Variants in BTBD16 observed in about 807,000 individuals in gnomAD.
BTBD16 encodes the protein BTB domain containing 16.
Under a neutral mutation model 67.4 loss-of-function variants are expected in BTBD16, and 66 were observed. The ratio of observed to expected loss-of-function variants is 0.98; its 90% confidence interval spans 0.80 to 1.20. BTBD16 has a LOEUF of 1.20. Among genes scored for constraint, BTBD16 ranks in the 50% most tolerant of loss-of-function variants. The probability of loss-of-function intolerance (pLI) is 0.00; values close to 1 mark genes in which losing one functional copy is unlikely to be tolerated. For missense variants in BTBD16, 634 were observed against 616.0 expected, an observed-to-expected ratio of 1.03 and a Z score of -0.31; for synonymous variants, 242 against 236.4, an observed-to-expected ratio of 1.02 and a Z score of -0.22.
chr10:122,283,788 G>A (rs1173934628), intron 3 of BTBD16, 63 bp from the exon 4 acceptor site: 2 of 1,240,046 alleles, frequency 1.6e-6, no homozygotes, highest in East Asian at 4.7e-5. Flanking sequence ...AATAATGCAT[G>A]TTGTAGTTGG....
chr10:122,283,777 G>C (rs907055056), intron 3 of BTBD16, 74 bp from the exon 4 acceptor site: 7 of 1,149,558 alleles, frequency 6.1e-6, no homozygotes, highest in Non-Finnish European at 9.1e-6. Flanking sequence ...ATTTATGCTA[G>C]AATAATGCAT....
chr10:122,295,266 T>C (rs1269000744), intron 7 of BTBD16: 6 of 977,590 alleles, frequency 6.1e-6, no homozygotes, highest in Non-Finnish European at 7.3e-6. Flanking sequence ...CAAGAGGAGG[T>C]GGTGCTGGAC....
intron 10 of BTBD16, among the ~76,000 whole-genome samples, chr10:122,310,781 A>G (rs913992448): frequency 2.6e-5 from 4 of 152,212 alleles, no homozygotes; most frequent in African/African-American, 4.8e-5. Context: ...CCGTCACATT[A>G]TGGGAACTGA....
intron 10 of BTBD16, among the ~76,000 whole-genome samples, chr10:122,318,966 T>C (rs926291891): frequency 6.6e-6 from 1 of 152,350 alleles, no homozygotes; most frequent in East Asian, 1.9e-4. Flanking sequence ...TTAACTTTCA[T>C]TTCCCCAGTG....
At chr10:122,306,418 C>T (rs2096403784) in intron 9 of BTBD16, among the ~76,000 whole-genome samples, 1 of 152,228 alleles carries the variant, frequency 6.6e-6, no homozygotes, top group Admixed American at 6.5e-5. Context: ...CTCACCTCAT[C>T]CACTCTGTAC....
chr10:122,292,690 G>T (rs1331106680), intron 7 of BTBD16, among the ~76,000 whole-genome samples: 1 of 152,188 alleles, frequency 6.6e-6, no homozygotes, highest in Non-Finnish European at 1.5e-5. Context: ...AGGCTCCTCT[G>T]GGAGGCCAAG....
chr10:122,304,980 G>A (rs2142089776), intron 9 of BTBD16, among the ~76,000 whole-genome samples: 1 of 152,288 alleles, frequency 6.6e-6, no homozygotes. Flanking sequence ...CGCTGAGCAT[G>A]TCATGATGTG....
intron 10 of BTBD16, among the ~76,000 whole-genome samples, chr10:122,328,174 A>G (rs886158769): frequency 5.3e-5 from 8 of 152,192 alleles, no homozygotes; most frequent in African/African-American, 1.7e-4. Context: ...AAAGGAAGTG[A>G]GCGAGTGTTA....
intron 10 of BTBD16, among the ~76,000 whole-genome samples, chr10:122,321,210 A>T (rs1276637243): frequency 6.6e-6 from 1 of 152,068 alleles, no homozygotes; most frequent in Non-Finnish European, 1.5e-5. Context: ...GCTGTGTGGG[A>T]TTCCATGGTA....
chr10:122,278,208 G>A (rs7077498), intron 3 of BTBD16, among the ~76,000 whole-genome samples: 26,472 of 152,102 alleles, frequency 0.17, 5,092 homozygotes, highest in African/African-American at 0.48. Context: ...CTAAATCTCT[G>A]TGAGTCACTG....
chr10:122,317,279 A>C (rs988579095), intron 10 of BTBD16, among the ~76,000 whole-genome samples: 10 of 152,162 alleles, frequency 6.6e-5, no homozygotes, highest in Admixed American at 6.5e-5. Flanking sequence ...TTTCTTTATA[A>C]TCTGTTCTAT....
chr10:122,277,029 A>G (rs2096342191), intron 3 of BTBD16, 90 bp downstream of exon 3: 2 of 1,453,272 alleles, frequency 1.4e-6, no homozygotes, highest in African/African-American at 2.8e-5. Context: ...GATTGGCTGC[A>G]GTGGCTGTCA....
chr10:122,314,330 C>T (rs2096419935), intron 10 of BTBD16, among the ~76,000 whole-genome samples: 1 of 151,986 alleles, frequency 6.6e-6, no homozygotes, highest in African/African-American at 2.4e-5. Flanking sequence ...ATAGTGGGAC[C>T]TGTTCACAAA....
chr10:122,293,428 G>A (rs572360553), intron 7 of BTBD16, among the ~76,000 whole-genome samples: 3 of 152,332 alleles, frequency 2.0e-5, no homozygotes, highest in South Asian at 2.1e-4. Flanking sequence ...CGTTGGGAAC[G>A]CAGGTGTCTG....
In BTBD16 at chr10:122,324,274, C is replaced by A. The variant is rs2096440523; in HGVS notation, c.912-5206C>A. ...CATGGGTGTGCACTGGTGAACCCAA[C>A]AGCACCTTCCCCCACCCATTCCCCC... On this transcript the variant is annotated intron_variant, in intron 10 of 15. Transcript: ENST00000260723. 2.0e-5 allele frequency among the ~76,000 whole-genome samples: 3 copies of A among 152,200 alleles called. No homozygotes were observed. The South Asian group carries it at 6.2e-4, about 32-fold the overall frequency.
At chr10:122,288,596 T>G (rs7908675) in intron 5 of BTBD16, among the ~76,000 whole-genome samples, 49,284 of 152,090 alleles carry the variant, frequency 0.32, 8,401 homozygotes, top group East Asian at 0.62. Context: ...ATGGGCCCAG[T>G]GGGTGGAGCG....
intron 12 of BTBD16, chr10:122,332,174 T>G: frequency 9.7e-6 from 4 of 414,164 alleles, no homozygotes; most frequent in Non-Finnish European, 1.7e-5. Flanking sequence ...CATGCACACA[T>G]TTTATTTCCC....
intron 3 of BTBD16, 114 bp from the exon 4 acceptor site, chr10:122,283,737 A>T (rs2096357655): frequency 1.3e-6 from 1 of 797,778 alleles, no homozygotes; most frequent in South Asian, 1.6e-5. Context: ...GCGAGATATG[A>T]TTAGCTTGAT....
intron 1 of BTBD16, among the ~76,000 whole-genome samples, chr10:122,272,256 C>G (rs1047541542): frequency 6.6e-6 from 1 of 152,236 alleles, no homozygotes; most frequent in Non-Finnish European, 1.5e-5. Flanking sequence ...AACACACATG[C>G]ATACATGGAT....
Sources: gnomAD v4.1 joint callset for allele counts (sites outside exome capture counted in the v4.1 genomes callset) on GRCh38, gnomAD v4.1.1 for gene constraint, MANE v1.5 for transcripts, NCBI Gene and HGNC (gene_info 2026-07-23, HGNC 2026-07-21) for gene names.